The following A2M variants were observed in gnomAD, a reference collection of about 807,000 sequenced individuals.
The protein encoded by A2M is alpha-2-macroglobulin.
A2M carries 128 observed loss-of-function variants against 183.9 expected under a neutral mutation model. That is an observed-to-expected ratio of 0.70 (90% CI 0.60 to 0.81). A2M has a LOEUF of 0.81. A2M is among the 30% of genes least tolerant of loss of function. The pLI is 0.00. For missense variants in A2M, 1,495 were observed against 1,787.6 expected, an observed-to-expected ratio of 0.84 and a Z score of 2.95; for synonymous variants, 592 against 670.8, an observed-to-expected ratio of 0.88 and a Z score of 1.81.
Position 9,093,559 on chromosome 12 carries a change from C to T in A2M, c.2146G>A (p.Gly716Ser), listed in dbSNP as rs1486817130. The T allele has an allele frequency of 1.2e-6, 2 of 1,604,262 alleles. No individual in the cohort carries two copies. Among genetic ancestry groups the T allele is most frequent in the Non-Finnish European group, 1.7e-6 (2 of 1,175,380 alleles). Residue 716 changes from glycine to serine, a missense_variant, in exon 18 of 36, where the codon GGC (glycine) becomes AGC (serine). By Grantham distance (56) the Gly-to-Ser change is moderately conservative. Transcript: ENST00000318602. The part of the protein sequence containing the change: ...GFYESDVMGR[G>S]HARLVHVEEP... The stretch of plus-strand genomic sequence containing the variant: ...TCAACATGCACCAGGCGTGCATGGC[C>T]TCTTCCCATTACATCTGACTCTATG...
intron 16 of A2M, 90 bp downstream of exon 16, chr12:9,095,449 G>T: frequency 1.6e-6 from 2 of 1,268,636 alleles, no homozygotes; most frequent in East Asian, 2.4e-5. Context: ...CCCTCAACTA[G>T]GACATGAAGG....
rs376100786 is a variant in A2M at position 9,068,168 on chromosome 12, G to A, written c.4408+15C>T. 5.6e-5 allele frequency: 90 copies of A among 1,611,684 alleles called. 1 individual carries two copies. In the South Asian group the frequency reaches 7.9e-4, roughly 14 times the overall value. On this transcript the variant is annotated intron_variant, in intron 35 of 35. Transcript: ENST00000318602. ...GGAGCTCTGACTGCCTTTTGGAGGA[G>A]TGTGAGTGGCTTACCTTTGCTGCAA... is the stretch of plus-strand genomic sequence containing the variant.
intron 29 of A2M, among the ~76,000 whole-genome samples, chr12:9,074,118 G>A (rs1948665014): frequency 6.6e-6 from 1 of 151,680 alleles, no homozygotes; most frequent in Admixed American, 6.6e-5. Flanking sequence ...GGTGAATAGG[G>A]GAAGCACAAA....
chr12:9,109,392 A>T lies in A2M; in HGVS notation c.687T>A (p.Phe229Leu). 1 of 1,612,552 alleles carries T rather than the reference A, an allele frequency of 6.2e-7. No homozygotes were observed. Among genetic ancestry groups the T allele is most frequent in the Middle Eastern group, 1.7e-4 (1 of 6,056 alleles). Residue 229 changes from phenylalanine (F) to leucine (L), a missense_variant, in exon 7 of 36, where the codon TTT (phenylalanine) becomes TTA (leucine). By Grantham distance (22) the Phe-to-Leu change is conservative (BLOSUM62 0). Transcript: ENST00000318602. The stretch of plus-strand genomic sequence containing the variant: ...TCTTTGGCACTGTTACTTGTACTTC[A>T]AACTTGGGAAGAACTGTTGATTGGT... ...FTVEEFVLPK[F>L]EVQVTVPKII...
intron 25 of A2M, 61 bp downstream of exon 25, chr12:9,079,182 AG>A (rs1948832138): frequency 8.1e-7 from 1 of 1,238,308 alleles, no homozygotes; most frequent in Non-Finnish European, 1.2e-6. Context: ...AATATAATTG[AG>A]GTAATACATG....
chr12:9,109,208 G>T, intron 7 of A2M, 113 bp downstream of exon 7: 1 of 723,170 alleles, frequency 1.4e-6, no homozygotes, highest in Non-Finnish European at 2.4e-6. Context: ...TGCTGTCAAA[G>T]CACTTAAAAT....
At chr12:9,113,257 T>G in intron 2 of A2M, 103 bp downstream of exon 2, 2 of 1,240,036 alleles carry the variant, frequency 1.6e-6, no homozygotes, top group East Asian at 4.7e-5. Flanking sequence ...GATTCCTTCC[T>G]GCAGTTCTTA....
At chr12:9,072,946 C>CCTCA in intron 29 of A2M, 75 bp from the exon 30 acceptor site, 1 of 1,213,214 alleles carries the variant, frequency 8.2e-7, no homozygotes, top group Non-Finnish European at 1.2e-6. Flanking sequence ...TTTCAAAGAC[C>CCTCA]CATGTGAGGG....
At position 9,098,671 on chromosome 12, in the gene A2M, G is replaced by A. The variant is rs1171450545; in HGVS notation, c.1787C>T (p.Ala596Val). The A allele has an allele frequency of 3.1e-6, 5 of 1,611,574 alleles. No homozygotes were observed. The Admixed American group carries it at 6.7e-5, about 22-fold the overall frequency. ...CACGCTTTGGTCCACAGCACGGAGG[G>A]CGCAGACGGACTGAGGAGCCGCTGT... ...RVTAAPQSVC[A>V]LRAVDQSVLL... is the part of the protein sequence containing the mutation. The change falls in exon 15 of 36, where the codon GCC (alanine) becomes GTC (valine). Residue 596 changes from alanine (A) to valine (V), a missense_variant. By Grantham distance (64) the Ala-to-Val change is moderately conservative (BLOSUM62 0). Transcript: ENST00000318602.
intron 22 of A2M, among the ~76,000 whole-genome samples, chr12:9,081,481 C>T (rs115547612): frequency 7.2e-4 from 110 of 152,236 alleles, no homozygotes; most frequent in African/African-American, 2.6e-3. Context: ...GATCTTCCTC[C>T]CTCCACAGAA....
At position 9,089,199 on chromosome 12, in the gene A2M, C is replaced by G. The variant is rs1235414015; in HGVS notation, c.2770+1G>C. 1.3e-6 allele frequency: 2 copies of G among 1,583,096 alleles called. No individual in the cohort carries two copies. The highest frequency in any genetic ancestry group is 1.7e-6 in the Non-Finnish European group (2 of 1,161,236). On this transcript the variant is annotated splice_donor_variant, in intron 22 of 35. Coordinates refer to ENST00000318602, the MANE Select transcript of A2M (RefSeq NM_000014.6). LOFTEE classifies it high-confidence loss of function. ...TTTAAATTATGATGGTTGACTCTTA[C>G]CTGATGGACAAAGTAGGGAGTTGAA... is the stretch of plus-strand genomic sequence containing the variant.
In A2M at chr12:9,115,808, G is replaced by A. The variant is rs1394183888; in HGVS notation, c.42C>T (p.Leu14=). ...NKLLHPSLVL[L]LLVLLPTDAS... Reference sequence around the variant, plus strand: ...CGTCTGTGGGCAGGAGGACCAAGAGGAGAAGAACCAGACTTGGATGAAGGA... The same window carrying A: ...CGTCTGTGGGCAGGAGGACCAAGAGAAGAAGAACCAGACTTGGATGAAGGA... Residue 14 remains leucine (L), a synonymous_variant, in exon 1 of 36, where the codon CTC becomes CTT. Coordinates refer to ENST00000318602, the MANE Select transcript of A2M (RefSeq NM_000014.6). 2 of 1,613,510 alleles carry A rather than the reference G, an allele frequency of 1.2e-6. No individual in the cohort carries two copies. The highest frequency in any genetic ancestry group is 2.2e-5 in the South Asian group (2 of 91,074).
At chr12:9,101,247 G>T in intron 12 of A2M, 40 bp from the exon 13 acceptor site, 2 of 1,536,492 alleles carry the variant, frequency 1.3e-6, no homozygotes, top group Non-Finnish European at 1.8e-6. Context: ...ATGTGCCAGA[G>T]AGAACACGCT....
chr12:9,089,201 T>G lies in A2M; in HGVS notation c.2769A>C (p.Ser923=). 6.3e-7 allele frequency: 1 copy of G among 1,584,860 alleles called. No homozygotes were observed. Among genetic ancestry groups the G allele is most frequent in the Non-Finnish European group, 8.6e-7 (1 of 1,162,486 alleles). Residue 923 remains serine (S), a splice_region_variant and synonymous_variant, in exon 22 of 36, where the codon TCA becomes TCC. Coordinates refer to ENST00000318602, the MANE Select transcript of A2M (RefSeq NM_000014.6). ...ETTFNSLLCP[S]GGEVSEELSL... is the part of the protein sequence containing the mutation. ...TAAATTATGATGGTTGACTCTTACC[T>G]GATGGACAAAGTAGGGAGTTGAATG...
chr12:9,110,114 AGTTATCT>A, intron 5 of A2M, 79 bp from the exon 6 acceptor site: 1 of 1,479,130 alleles, frequency 6.8e-7, no homozygotes, highest in African/African-American at 1.4e-5. Context: ...GGAAACCCTA[AGTTATCT>A]ACAAAAAGGT....
In A2M at chr12:9,099,440, T is replaced by C. The variant is rs1281478107; in HGVS notation, c.1642A>G (p.Thr548Ala). 6.2e-7 allele frequency: 1 copy of C among 1,600,326 alleles called. No homozygotes were observed. The highest frequency in any genetic ancestry group is 8.5e-7 in the Non-Finnish European group (1 of 1,173,154). The change falls in exon 14 of 36, where the codon ACC (threonine) becomes GCC (alanine). Residue 548 changes from threonine to alanine, a missense_variant. Thr to Ala is a moderately conservative substitution (Grantham distance 58). Coordinates refer to ENST00000318602, the MANE Select transcript of A2M (RefSeq NM_000014.6). Reference protein sequence around the residue: ...ARLLIYAVLPTGDVIGDSAKY... With the variant: ...ARLLIYAVLPAGDVIGDSAKY... The stretch of plus-strand genomic sequence containing the variant: ...GCAGAATCCCCAATCACGTCCCCGG[T>C]AGGTAAAACAGCATAGATGAGCAAC...
intron 22 of A2M, among the ~76,000 whole-genome samples, chr12:9,081,952 G>T (rs970442351): frequency 2.0e-5 from 3 of 152,216 alleles, no homozygotes; most frequent in Non-Finnish European, 4.4e-5. Flanking sequence ...AAACTGAGCT[G>T]GTCACTTTCA....
intron 15 of A2M, among the ~76,000 whole-genome samples, chr12:9,097,103 T>C (rs948349851): frequency 6.6e-6 from 1 of 152,204 alleles, no homozygotes; most frequent in Admixed American, 6.5e-5. Context: ...AGGGTTGTTA[T>C]AATTTGAAAA....
At position 9,101,600 on chromosome 12, in the gene A2M, A is replaced by T; in HGVS notation, c.1341T>A (p.Thr447=). The change falls in exon 12 of 36, where the codon ACT becomes ACA. Residue 447 remains threonine, a synonymous_variant. Coordinates refer to ENST00000318602, the MANE Select transcript of A2M (RefSeq NM_000014.6). ...VSEEHEEAHH[T]AYLVFSPSKS... ...TGCTTGGGGAGAACACAAGATAAGCAGTGTGATGTGCCTCTTCGTGTTCTT... is the reference window on the plus strand; with the variant it reads ...TGCTTGGGGAGAACACAAGATAAGCTGTGTGATGTGCCTCTTCGTGTTCTT... 1 of 1,614,050 alleles carries T rather than the reference A, an allele frequency of 6.2e-7. No homozygotes were observed.
Sources: allele counts gnomAD v4.1 joint callset (sites outside exome capture counted in the v4.1 genomes callset), GRCh38; gene constraint gnomAD v4.1.1; transcripts MANE v1.5; gene names NCBI Gene and HGNC (gene_info 2026-07-23, HGNC 2026-07-21).